The following OR6B1 variants were observed in gnomAD, a reference collection of about 807,000 sequenced individuals.
OR6B1 encodes olfactory receptor 6B1.
In OR6B1, 15 loss-of-function variants were observed where a neutral mutation model predicts 15.4. That is an observed-to-expected ratio of 0.97 (90% confidence interval 0.65 to 1.50). The LOEUF (loss-of-function observed/expected upper bound fraction) is 1.50, where lower values mean the gene tolerates loss of function less well. Among genes scored for constraint, OR6B1 ranks in the 40% most tolerant of loss-of-function variants. OR6B1 has a pLI of 0.00. For missense variants in OR6B1, 384 were observed against 385.0 expected, an observed-to-expected ratio of 1.00 and a Z score of 0.02; for synonymous variants, 139 against 144.9, an observed-to-expected ratio of 0.96 and a Z score of 0.29.
In OR6B1 at chr7:144,006,650, A is replaced by G. The variant is rs370295191; in HGVS notation, c.*1718A>G. The G allele has an allele frequency of 1.1e-4, 16 of 152,346 alleles. No homozygotes were observed. The East Asian group carries it at 2.7e-3, about 26-fold the overall frequency. The allele number at this position is 152,346 out of a possible 1,614,324, so 9.4% of individuals were successfully genotyped here. ...TTCAAATGAATCAAAATATAATTGCATAGTCATATAGGGATATTAAATGTG... is the reference window on the plus strand; with the variant it reads ...TTCAAATGAATCAAAATATAATTGCGTAGTCATATAGGGATATTAAATGTG... On this transcript the variant is annotated 3_prime_UTR_variant, in exon 2 of 2. Transcript: ENST00000641698.
At position 144,006,590 on chromosome 7, in the gene OR6B1, C is replaced by T. The variant is rs184167756; in HGVS notation, c.*1658C>T. The stretch of plus-strand genomic sequence containing the variant: ...TGATGAATATATTTCTATTTAAAAT[C>T]TAGACACACAAAAAAGAGATTATTT... On this transcript the variant is annotated 3_prime_UTR_variant, in exon 2 of 2. Coordinates refer to ENST00000641698, the MANE Select transcript of OR6B1 (RefSeq NM_001005281.3). The T allele has an allele frequency of 4.6e-5, 7 of 152,164 alleles. No homozygotes were observed. Among genetic ancestry groups the T allele is most frequent in the Admixed American group, 4.6e-4 (7 of 15,282 alleles). The allele number at this position is 152,164 out of a possible 1,614,324, so 9.4% of individuals were successfully genotyped here.
chr7:144,003,169 C>T (rs1320091988), intron 1 of OR6B1, among the ~76,000 whole-genome samples: 1 of 152,188 alleles, frequency 6.6e-6, no homozygotes, highest in African/African-American at 2.4e-5. Context: ...ATCCTCCCCT[C>T]CCTCCAGTTA....
In OR6B1 at chr7:144,006,480, C is replaced by T. The variant is rs890220935; in HGVS notation, c.*1548C>T. The T allele has an allele frequency of 1.1e-4, 16 of 152,054 alleles. No individual in the cohort carries two copies. The highest frequency in any genetic ancestry group is 7.4e-5 in the Non-Finnish European group (5 of 67,996). 9.4% of individuals were successfully genotyped at this position (152,054 alleles called of 1,614,324 possible). A position where few individuals can be genotyped will look rare whatever the true frequency, so the allele number is the denominator to read the frequency against. ...CAACTTGCTTTAGGGAATAAATGTG[C>T]AAAAGAGAACAATGCTTAAAATGGA... is the stretch of plus-strand genomic sequence containing the variant. On this transcript the variant is annotated 3_prime_UTR_variant, in exon 2 of 2. Transcript: ENST00000641698.
In OR6B1 at chr7:144,003,985, T is replaced by G. The variant is rs1188229306; in HGVS notation, c.-12T>G. The G allele has an allele frequency of 6.3e-7, 1 of 1,590,994 alleles. No homozygotes were observed. Among genetic ancestry groups the G allele is most frequent in the East Asian group, 2.2e-5 (1 of 44,792 alleles). Reference sequence around the variant, plus strand: ...TTTCCTCCCCAGGAGAGCTAAGCCCTGTGTCTCCAATATGGAGTTGGAGAA... The same window carrying G: ...TTTCCTCCCCAGGAGAGCTAAGCCCGGTGTCTCCAATATGGAGTTGGAGAA... On this transcript the variant is annotated 5_prime_UTR_variant, in exon 2 of 2. Transcript: ENST00000641698.
At position 144,005,265 on chromosome 7, in the gene OR6B1, C is replaced by A. The variant is rs750112374; in HGVS notation, c.*333C>A. 1.0e-4 allele frequency: 20 copies of A among 192,622 alleles called. No homozygotes were observed. Among genetic ancestry groups the A allele is most frequent in the Middle Eastern group, 2.0e-3 (1 of 498 alleles). 11.9% of individuals were successfully genotyped at this position (192,622 alleles called of 1,614,324 possible). A position where few individuals can be genotyped will look rare whatever the true frequency, so the allele number is the denominator to read the frequency against. On this transcript the variant is annotated 3_prime_UTR_variant, in exon 2 of 2. Transcript: ENST00000641698. Reference sequence around the variant, plus strand: ...TTTTGGATCTGCCATACACTAATAGCTCTGGGGCCAACAAAATAGGTGGTA... The same window carrying A: ...TTTTGGATCTGCCATACACTAATAGATCTGGGGCCAACAAAATAGGTGGTA...
At chr7:144,002,423 A>T (rs2050589931) in intron 1 of OR6B1, among the ~76,000 whole-genome samples, 1 of 152,222 alleles carries the variant, frequency 6.6e-6, no homozygotes, top group Non-Finnish European at 1.5e-5. Context: ...ACCTTAGTAA[A>T]TGGCATCACC....
In OR6B1 at chr7:144,004,140, G is replaced by C. The variant is rs1176307951; in HGVS notation, c.144G>C (p.Leu48Phe). 4.3e-6 allele frequency: 7 copies of C among 1,614,052 alleles called. No individual in the cohort carries two copies. The highest frequency in any genetic ancestry group is 5.1e-6 in the Non-Finnish European group (6 of 1,180,032). Residue 48 changes from leucine (L) to phenylalanine (F), a missense_variant, in exon 2 of 2, where the codon TTG (leucine) becomes TTC (phenylalanine). Coordinates refer to ENST00000641698, the MANE Select transcript of OR6B1 (RefSeq NM_001005281.3). ...CTGAAAACGTGATCATCATCCTATT[G>C]GTGCTGCAAAATCGGCCACTGCACA... ...TVAENVIIIL[L>F]VLQNRPLHKP... is the part of the protein sequence containing the mutation.
Position 144,004,562 on chromosome 7 carries a change from G to A in OR6B1, c.566G>A (p.Cys189Tyr), listed in dbSNP as rs1268041350. The change falls in exon 2 of 2, where the codon TGC becomes TAC. Residue 189 changes from cysteine to tyrosine, a missense_variant. Transcript: ENST00000641698. ...CDISPVLNLS[C>Y]TDMSITELVD... ...ATCTCTCCAGTACTTAATCTCTCCT[G>A]CACAGACATGTCCATAACTGAGTTG... is the stretch of plus-strand genomic sequence containing the variant. 3.1e-6 allele frequency: 5 copies of A among 1,613,978 alleles called. No homozygotes were observed. In the East Asian group the frequency reaches 8.9e-5, roughly 29 times the overall value.
chr7:144,006,343 A>G lies in OR6B1; in HGVS notation c.*1411A>G, dbSNP rs2116977555. ...AAGTATGAAAGCTAGTTGTAAAGGA[A>G]TATAGTTGGAATTATGAATTACTAT... On this transcript the variant is annotated 3_prime_UTR_variant, in exon 2 of 2. Transcript: ENST00000641698. 6.6e-6 allele frequency: 1 copy of G among 152,338 alleles called. No individual in the cohort carries two copies. The highest frequency in any genetic ancestry group is 2.1e-4 in the South Asian group (1 of 4,828). 9.4% of individuals were successfully genotyped at this position (152,338 alleles called of 1,614,324 possible). A position where few individuals can be genotyped will look rare whatever the true frequency, so the allele number is the denominator to read the frequency against.
intron 1 of OR6B1, among the ~76,000 whole-genome samples, chr7:144,003,032 T>C (rs1409097892): frequency 6.6e-6 from 1 of 152,174 alleles, no homozygotes; most frequent in African/African-American, 2.4e-5. Flanking sequence ...ATAATGCATC[T>C]CTATCTTTGT....
Position 144,006,261 on chromosome 7 carries a change from G to T in OR6B1, c.*1329G>T, listed in dbSNP as rs2050623475. The T allele has an allele frequency of 6.6e-6, 1 of 152,084 alleles. No homozygotes were observed. Among genetic ancestry groups the T allele is most frequent in the Non-Finnish European group, 1.5e-5 (1 of 68,010 alleles). 9.4% of individuals were successfully genotyped at this position (152,084 alleles called of 1,614,324 possible). A position where few individuals can be genotyped will look rare whatever the true frequency, so the allele number is the denominator to read the frequency against. On this transcript the variant is annotated 3_prime_UTR_variant, in exon 2 of 2. Transcript: ENST00000641698. ...CCCAGTTCCCTGAATCCAAACCCTG[G>T]GTCTTTCTCTAGTGAATGGGCTCTC...
At chr7:144,003,002 T>C (rs2050594317) in intron 1 of OR6B1, among the ~76,000 whole-genome samples, 1 of 152,200 alleles carries the variant, frequency 6.6e-6, no homozygotes, top group African/African-American at 2.4e-5. Context: ...TTAACCTTCA[T>C]AGAAAATATT....
intron 1 of OR6B1, among the ~76,000 whole-genome samples, chr7:144,001,704 A>G (rs2050585707): frequency 6.6e-6 from 1 of 152,028 alleles, no homozygotes; most frequent in African/African-American, 2.4e-5. Context: ...TTCTCTTTCC[A>G]TCCATCTCTT....
chr7:144,003,377 T>C (rs995562488), intron 1 of OR6B1, among the ~76,000 whole-genome samples: 2 of 152,208 alleles, frequency 1.3e-5, no homozygotes, highest in African/African-American at 4.8e-5. Context: ...TTCAAGGTCA[T>C]AGCAAATCGG....
chr7:144,004,419 C>T lies in OR6B1; in HGVS notation c.423C>T (p.Cys141=), dbSNP rs1385881604. ...HYPTIMSHGL[C]FRLALGSWAI... ...CAACCATAATGAGCCATGGGCTCTGCTTCCGCCTCGCTCTTGGTTCCTGGG... is the reference window on the plus strand; with the variant it reads ...CAACCATAATGAGCCATGGGCTCTGTTTCCGCCTCGCTCTTGGTTCCTGGG... The change falls in exon 2 of 2, where the codon TGC becomes TGT. Residue 141 remains cysteine (C), a synonymous_variant. Coordinates refer to ENST00000641698, the MANE Select transcript of OR6B1 (RefSeq NM_001005281.3). 1 of 1,614,218 alleles carries T rather than the reference C, an allele frequency of 6.2e-7. No homozygotes were observed.
Position 144,005,050 on chromosome 7 carries a change from C to A in OR6B1, c.*118C>A. On this transcript the variant is annotated 3_prime_UTR_variant, in exon 2 of 2. Transcript: ENST00000641698. ...CCATGTTAATATGACATCACCATGT[C>A]TACTTCAATCTCAGGCGCTTGGGTA... 1.4e-6 allele frequency: 1 copy of A among 708,236 alleles called. No individual in the cohort carries two copies. The highest frequency in any genetic ancestry group is 2.3e-6 in the Non-Finnish European group (1 of 433,776). 43.9% of individuals were successfully genotyped at this position (708,236 alleles called of 1,614,324 possible). A position where few individuals can be genotyped will look rare whatever the true frequency, so the allele number is the denominator to read the frequency against.
chr7:144,004,364 A>G lies in OR6B1; in HGVS notation c.368A>G (p.Tyr123Cys), dbSNP rs761350476. The part of the protein sequence containing the change: ...VLLAAMAYDR[Y>C]VAICRPLHYP... ...CTGGCCGCCATGGCCTATGACCGGT[A>G]TGTGGCCATCTGTCGCCCACTCCAC... is the stretch of plus-strand genomic sequence containing the variant. The change falls in exon 2 of 2, where the codon TAT becomes TGT. Residue 123 changes from tyrosine (Y) to cysteine (C), a missense_variant. By Grantham distance (194) the Tyr-to-Cys change is radical. Transcript: ENST00000641698. The G allele has an allele frequency of 2.5e-6, 4 of 1,614,040 alleles. No homozygotes were observed. The highest frequency in any genetic ancestry group is 2.7e-5 in the African/African-American group (2 of 74,914).
chr7:144,007,188 A>T lies in OR6B1; in HGVS notation c.*2256A>T, dbSNP rs1448151686. 6.6e-6 allele frequency: 1 copy of T among 152,156 alleles called. No individual in the cohort carries two copies. Among genetic ancestry groups the T allele is most frequent in the African/African-American group, 2.4e-5 (1 of 41,420 alleles). The allele number at this position is 152,156 out of a possible 1,614,324, so 9.4% of individuals were successfully genotyped here. A position where few individuals can be genotyped will look rare whatever the true frequency, so the allele number is the denominator to read the frequency against. ...ATTAAATTTTTTTTTCAAATAACAGATGGAACATTGAGCTCCTTCCCCTTT... is the reference window on the plus strand; with the variant it reads ...ATTAAATTTTTTTTTCAAATAACAGTTGGAACATTGAGCTCCTTCCCCTTT... On this transcript the variant is annotated 3_prime_UTR_variant, in exon 2 of 2. Transcript: ENST00000641698.
In OR6B1 at chr7:144,008,129, G is replaced by C. The variant is rs1301607814; in HGVS notation, c.*3197G>C. 6.6e-6 allele frequency: 1 copy of C among 152,234 alleles called. No individual in the cohort carries two copies. Among genetic ancestry groups the C allele is most frequent in the Non-Finnish European group, 1.5e-5 (1 of 68,072 alleles). 9.4% of individuals were successfully genotyped at this position (152,234 alleles called of 1,614,324 possible). A position where few individuals can be genotyped will look rare whatever the true frequency, so the allele number is the denominator to read the frequency against. ...AGACAATATATTTCTGTTGTTTTAA[G>C]CTACCAAGTTTGTGGTAATTTGTTA... On this transcript the variant is annotated 3_prime_UTR_variant, in exon 2 of 2. Transcript: ENST00000641698.
Sources: allele counts gnomAD v4.1 joint callset (sites outside exome capture counted in the v4.1 genomes callset), GRCh38; gene constraint gnomAD v4.1.1; transcripts MANE v1.5; gene names NCBI Gene and HGNC (gene_info 2026-07-23, HGNC 2026-07-21).